SLIT3: variants seen among roughly 807,000 people sequenced by gnomAD.
The protein encoded by SLIT3 is slit guidance ligand 3.
A neutral mutation model predicts 184.0 loss-of-function variants in SLIT3; 68 were observed. The observed-to-expected ratio is 0.37, with a 90% CI of 0.30 to 0.45. The LOEUF is 0.45. Ranked by LOEUF, SLIT3 falls within the 20% of genes least tolerant of loss-of-function variation. SLIT3 has a pLI of 1.00. For synonymous variants in SLIT3, 831 were observed against 828.6 expected, an observed-to-expected ratio of 1.00 and a Z score of -0.05; for missense variants, 1,707 against 2,026.0, an observed-to-expected ratio of 0.84 and a Z score of 3.02.
At chr5:168,905,070 GGGAGGC>G (rs1761001110) in intron 4 of SLIT3, among the ~76,000 whole-genome samples, 1 of 152,138 alleles carries the variant, frequency 6.6e-6, no homozygotes. Context: ...CCAGCTACTT[GGGAGGC>G]TGAGACAGGC....
At chr5:168,898,504 T>C (rs1760763394) in intron 4 of SLIT3, among the ~76,000 whole-genome samples, 1 of 152,106 alleles carries the variant, frequency 6.6e-6, no homozygotes, top group Admixed American at 6.5e-5. Flanking sequence ...ATTAAGCATG[T>C]CAATACCTTA....
At chr5:168,754,284 G>A (rs870724) in intron 16 of SLIT3, among the ~76,000 whole-genome samples, 11,378 of 152,268 alleles carry the variant, frequency 0.075, 553 homozygotes, top group Non-Finnish European at 0.11. Flanking sequence ...GTGTATATAT[G>A]CACAATGGAA....
intron 3 of SLIT3, among the ~76,000 whole-genome samples, chr5:169,198,045 C>T (rs1763795141): frequency 6.6e-6 from 1 of 152,178 alleles, no homozygotes; most frequent in African/African-American, 2.4e-5. Context: ...AACCACCATC[C>T]ATCTATGCAT....
chr5:168,666,759 T>C, intron 35 of SLIT3, 70 bp from the exon 36 acceptor site: 2 of 1,607,098 alleles, frequency 1.2e-6, no homozygotes, highest in Non-Finnish European at 1.7e-6. Flanking sequence ...AGTTCCCAGG[T>C]AGGCTGCTTT....
chr5:168,974,587 A>T (rs964603173), intron 4 of SLIT3, among the ~76,000 whole-genome samples: 1 of 152,192 alleles, frequency 6.6e-6, no homozygotes. Context: ...TCCTTCCAAA[A>T]GTTCTAAGAT....
chr5:168,731,234 A>T (rs1028701487), intron 20 of SLIT3, among the ~76,000 whole-genome samples: 9 of 152,108 alleles, frequency 5.9e-5, no homozygotes, highest in African/African-American at 2.2e-4. Context: ...TTGAACCAGG[A>T]ATAAGTAGAA....
At chr5:169,208,598 T>C (rs2113505030) in intron 3 of SLIT3, among the ~76,000 whole-genome samples, 1 of 152,170 alleles carries the variant, frequency 6.6e-6, no homozygotes, top group Middle Eastern at 3.4e-3. Flanking sequence ...TATAGACCAA[T>C]GGAACAGAAC....
chr5:169,204,659 G>A (rs1037624418), intron 3 of SLIT3, among the ~76,000 whole-genome samples: 6 of 152,196 alleles, frequency 3.9e-5, no homozygotes, highest in South Asian at 2.1e-4. Flanking sequence ...TGGCAACAGC[G>A]GGAAGGCAGA....
chr5:168,917,826 G>T (rs1212190470), intron 4 of SLIT3, among the ~76,000 whole-genome samples: 1 of 152,138 alleles, frequency 6.6e-6, no homozygotes, highest in African/African-American at 2.4e-5. Context: ...AGGCTGAAAG[G>T]GTTAGCTTTA....
At chr5:168,687,353 C>T (rs1229837490) in intron 29 of SLIT3, among the ~76,000 whole-genome samples, 1 of 152,232 alleles carries the variant, frequency 6.6e-6, no homozygotes, top group African/African-American at 2.4e-5. Flanking sequence ...CAGGGTTGGA[C>T]TCATCCAGCT....
In SLIT3 at chr5:169,137,335, C is replaced by CAGAGAGAGAG. The variant is rs1554101372; in HGVS notation, c.413+56134_413+56143dup. Among the ~76,000 whole-genome samples, 21 of 138,660 alleles carry CAGAGAGAGAG rather than the reference C, an allele frequency of 1.5e-4. No individual in the cohort carries two copies. The East Asian group carries it at 2.2e-3, about 14-fold the overall frequency. The allele number at this position is 138,660 out of a possible 152,430, so 91.0% of individuals were successfully genotyped here. On this transcript the variant is annotated intron_variant, in intron 4 of 35. Transcript: ENST00000519560. ...ACACACACACACACACACACACACA[C>CAGAGAGAGAG]AGAGAGAGAGAGAGAGAGAGAAACA...
chr5:168,936,552 G>A (rs1316812293), intron 4 of SLIT3, among the ~76,000 whole-genome samples: 1 of 152,150 alleles, frequency 6.6e-6, no homozygotes, highest in African/African-American at 2.4e-5. Context: ...CTTAGAGCAA[G>A]CGGCCAGTGA....
At chr5:169,120,616 T>C (rs997000954) in intron 4 of SLIT3, among the ~76,000 whole-genome samples, 3 of 152,210 alleles carry the variant, frequency 2.0e-5, no homozygotes, top group Non-Finnish European at 4.4e-5. Context: ...ACTCAGTTTG[T>C]GTCGCTTTAT....
In SLIT3 at chr5:169,051,418, A is replaced by G. The variant is rs534923837; in HGVS notation, c.413+142061T>C. 3.3e-4 allele frequency among the ~76,000 whole-genome samples: 51 copies of G among 152,280 alleles called. No individual in the cohort carries two copies. In the South Asian group the frequency reaches 0.01, roughly 31 times the overall value. On this transcript the variant is annotated intron_variant, in intron 4 of 35. Transcript: ENST00000519560. ...AGGAGTGACTCCAAGAAGGAAATGAATTCTCAGTGGGAGATGCTGTAGTTG... is the reference window on the plus strand; with the variant it reads ...AGGAGTGACTCCAAGAAGGAAATGAGTTCTCAGTGGGAGATGCTGTAGTTG...
At chr5:169,298,366 G>A (rs932737075) in intron 1 of SLIT3, among the ~76,000 whole-genome samples, 1 of 152,118 alleles carries the variant, frequency 6.6e-6, no homozygotes, top group Non-Finnish European at 1.5e-5. Context: ...GTTGCCCTGA[G>A]CTGCACAGAT....
chr5:168,802,585 G>C (rs545769360), intron 9 of SLIT3, among the ~76,000 whole-genome samples: 2 of 152,264 alleles, frequency 1.3e-5, no homozygotes, highest in South Asian at 2.1e-4. Context: ...GCTACTCCCA[G>C]GTTCAAGTCA....
intron 3 of SLIT3, among the ~76,000 whole-genome samples, chr5:169,196,077 G>A (rs1393874931): frequency 1.3e-5 from 2 of 151,706 alleles, no homozygotes; most frequent in Non-Finnish European, 1.5e-5. Context: ...GGCAATCACC[G>A]TTCCACTGTC....
intron 3 of SLIT3, among the ~76,000 whole-genome samples, chr5:169,202,108 C>T: frequency 6.6e-6 from 1 of 152,204 alleles, no homozygotes; most frequent in African/African-American, 2.4e-5. Context: ...TGCCACACAC[C>T]TATAGTCACA....
intron 3 of SLIT3, among the ~76,000 whole-genome samples, chr5:169,234,413 T>C (rs1765119873): frequency 6.6e-6 from 1 of 152,116 alleles, no homozygotes; most frequent in Admixed American, 6.5e-5. Flanking sequence ...AAGCTTGTTG[T>C]TTTTGTTTTT....
Sources: gnomAD v4.1 joint callset for allele counts (sites outside exome capture counted in the v4.1 genomes callset) on GRCh38, gnomAD v4.1.1 for gene constraint, MANE v1.5 for transcripts, NCBI Gene and HGNC (gene_info 2026-07-23, HGNC 2026-07-21) for gene names.